Variants in MIPOL1 observed in about 807,000 individuals in gnomAD.
The protein encoded by MIPOL1 is mirror-image polydactyly 1.
Under a neutral mutation model 60.9 loss-of-function variants are expected in MIPOL1, and 57 were observed. That is an observed-to-expected ratio of 0.94 (90% CI 0.76 to 1.17). The LOEUF (loss-of-function observed/expected upper bound fraction) is 1.17. MIPOL1 is among the 50% of genes most tolerant of loss of function. MIPOL1 has a pLI of 0.00. For synonymous variants in MIPOL1, 179 were observed against 168.8 expected, an observed-to-expected ratio of 1.06 and a Z score of -0.47; for missense variants, 551 against 511.6, an observed-to-expected ratio of 1.08 and a Z score of -0.74.
At chr14:37,278,091 A>G (rs1167977874) in intron 6 of MIPOL1, 1 of 151,638 alleles carries the variant, frequency 6.6e-6, no homozygotes, top group East Asian at 1.9e-4. Flanking sequence ...ATTGTATAAA[A>G]TGTTGCAAAG....
intron 7 of MIPOL1, among the ~76,000 whole-genome samples, chr14:37,302,271 T>G (rs1282196387): frequency 2.0e-5 from 3 of 148,442 alleles, no homozygotes; most frequent in African/African-American, 2.5e-5. Context: ...TGTTTTTTTT[T>G]TTTTTTTTTT....
At chr14:37,444,653 G>A (rs1288510067) in intron 11 of MIPOL1, among the ~76,000 whole-genome samples, 1 of 152,122 alleles carries the variant, frequency 6.6e-6, no homozygotes, top group East Asian at 1.9e-4. Flanking sequence ...CACTGATATT[G>A]GTGAAAGAGT....
At chr14:37,252,012 A>G (rs1224423139) in intron 3 of MIPOL1, among the ~76,000 whole-genome samples, 1 of 151,802 alleles carries the variant, frequency 6.6e-6, no homozygotes, top group Non-Finnish European at 1.5e-5. Flanking sequence ...AAAATTAAAT[A>G]TTAAATCTGC....
intron 9 of MIPOL1, among the ~76,000 whole-genome samples, chr14:37,347,901 C>T (rs1199203860): frequency 6.6e-6 from 1 of 151,876 alleles, no homozygotes; most frequent in African/African-American, 2.4e-5. Context: ...TTTTTTTCTT[C>T]GTTAATAAAA....
chr14:37,274,489 A>G (rs906269003), intron 6 of MIPOL1, among the ~76,000 whole-genome samples: 7 of 151,590 alleles, frequency 4.6e-5, no homozygotes, highest in East Asian at 1.9e-4. Flanking sequence ...AAATCAAACA[A>G]ATATTTATTG....
At chr14:37,470,871 T>C (rs1035965706) in intron 11 of MIPOL1, among the ~76,000 whole-genome samples, 5 of 152,176 alleles carry the variant, frequency 3.3e-5, no homozygotes, top group African/African-American at 9.6e-5. Flanking sequence ...AGAATTGGTC[T>C]CAGGTCAAAT....
intron 1 of MIPOL1, among the ~76,000 whole-genome samples, chr14:37,232,703 T>C (rs529720641): frequency 6.6e-6 from 1 of 152,334 alleles, no homozygotes. Context: ...GTCACTTTTC[T>C]AAGACCAAAT....
In MIPOL1 at chr14:37,496,844, G is replaced by A. The variant is rs1461503350; in HGVS notation, c.1032-3064G>A. ...ACCAAAAAAGAGTCTGCATCGCCAA[G>A]TCAATCCTAAGCCAAAAGAACAAAG... is the stretch of plus-strand genomic sequence containing the variant. On this transcript the variant is annotated intron_variant, in intron 11 of 12. Coordinates refer to ENST00000684589, the MANE Select transcript of MIPOL1 (RefSeq NM_001388067.1). 1.1e-3 allele frequency among the ~76,000 whole-genome samples: 175 copies of A among 152,270 alleles called. 1 individual carries two copies. Among genetic ancestry groups the A allele is most frequent in the Admixed American group, 2.6e-3 (40 of 15,300 alleles).
chr14:37,522,937 A>G (rs1054677503), intron 12 of MIPOL1, among the ~76,000 whole-genome samples: 5 of 152,154 alleles, frequency 3.3e-5, no homozygotes, highest in Non-Finnish European at 7.4e-5. Flanking sequence ...GAACCCATTA[A>G]TACAATTTTT....
At chr14:37,341,490 T>C (rs1184097897) in intron 9 of MIPOL1, among the ~76,000 whole-genome samples, 1 of 152,238 alleles carries the variant, frequency 6.6e-6, no homozygotes, top group East Asian at 1.9e-4. Flanking sequence ...TAAAAGGTAA[T>C]AATTCTGTAT....
chr14:37,272,804 C>T (rs1014965340), intron 6 of MIPOL1, among the ~76,000 whole-genome samples: 7 of 151,388 alleles, frequency 4.6e-5, no homozygotes, highest in East Asian at 3.9e-4. Flanking sequence ...AGTATTATAA[C>T]GTAGTTAAGC....
intron 9 of MIPOL1, among the ~76,000 whole-genome samples, chr14:37,323,053 A>G (rs2415397): frequency 0.99 from 150,492 of 152,296 alleles, 74,380 homozygotes; most frequent in Middle Eastern, 1. Flanking sequence ...CTTTGCCCAT[A>G]CCTATGTTCT....
intron 11 of MIPOL1, among the ~76,000 whole-genome samples, chr14:37,464,318 G>A (rs1354770601): frequency 6.6e-6 from 1 of 151,992 alleles, no homozygotes; most frequent in Admixed American, 6.6e-5. Flanking sequence ...GTAGAGCCGT[G>A]GACTGAACCT....
intron 11 of MIPOL1, among the ~76,000 whole-genome samples, chr14:37,457,994 T>G: frequency 6.6e-6 from 1 of 151,950 alleles, no homozygotes; most frequent in Middle Eastern, 3.4e-3. Context: ...GAAAAAGATA[T>G]ACCATACAGA....
chr14:37,240,938 CAT>C (rs1283921866), intron 1 of MIPOL1, among the ~76,000 whole-genome samples: 6 of 123,068 alleles, frequency 4.9e-5, no homozygotes, highest in East Asian at 2.4e-4. Flanking sequence ...CACACACACA[CAT>C]ACACACACAC....
chr14:37,230,698 A>G lies in MIPOL1; in HGVS notation c.-198-16405A>G, dbSNP rs376026129. Among the ~76,000 whole-genome samples the G allele has an allele frequency of 3.9e-5, 6 of 152,336 alleles. No homozygotes were observed. In the South Asian group the frequency reaches 1.0e-3, roughly 26 times the overall value. ...TTATAGATGAAAAGCTGGGTTTTCT[A>G]AAAGTCAGTTTTGTTAGGTTTACTG... On this transcript the variant is annotated intron_variant, in intron 1 of 12. Transcript: ENST00000684589.
chr14:37,206,402 G>C (rs1287938945), intron 1 of MIPOL1, among the ~76,000 whole-genome samples: 1 of 152,206 alleles, frequency 6.6e-6, no homozygotes, highest in African/African-American at 2.4e-5. Context: ...CTAGATTTAA[G>C]AGGATATATG....
Position 37,446,387 on chromosome 14 carries a change from C to T in MIPOL1, c.1031+23438C>T, listed in dbSNP as rs934849015. Among the ~76,000 whole-genome samples the T allele has an allele frequency of 3.0e-3, 452 of 152,156 alleles. 3 individuals are homozygous for T. Among genetic ancestry groups the T allele is most frequent in the African/African-American group, 9.3e-3 (386 of 41,510 alleles). ...AACCACAGTGAGATACCATCTCACA[C>T]CAGTTAGAATGGCGATCATTAAAAA... On this transcript the variant is annotated intron_variant, in intron 11 of 12. Coordinates refer to ENST00000684589, the MANE Select transcript of MIPOL1 (RefSeq NM_001388067.1).
chr14:37,523,027 A>C (rs2095424316), intron 12 of MIPOL1, among the ~76,000 whole-genome samples: 1 of 152,154 alleles, frequency 6.6e-6, no homozygotes, highest in Non-Finnish European at 1.5e-5. Flanking sequence ...TTAAAATATC[A>C]TTTAAGTAAC....
Sources: allele counts gnomAD v4.1 joint callset (sites outside exome capture counted in the v4.1 genomes callset), GRCh38; gene constraint gnomAD v4.1.1; transcripts MANE v1.5; gene names NCBI Gene and HGNC (gene_info 2026-07-23, HGNC 2026-07-21).